Variants in KCNH4 observed in about 807,000 individuals in gnomAD.
The protein encoded by KCNH4 is potassium voltage-gated channel subfamily H member 4, also known as voltage-gated delayed rectifier potassium channel KCNH4.
A neutral mutation model predicts 90.7 loss-of-function variants in KCNH4; 33 were observed. The observed-to-expected ratio is 0.36, with a 90% confidence interval of 0.28 to 0.49. The LOEUF (loss-of-function observed/expected upper bound fraction) is 0.49, where lower values mean the gene tolerates loss of function less well. Ranked by LOEUF, KCNH4 falls within the 20% of genes least tolerant of loss-of-function variation. KCNH4 has a pLI of 0.98. For missense variants in KCNH4, 1,044 were observed against 1,387.1 expected, an observed-to-expected ratio of 0.75 and a Z score of 3.93; for synonymous variants, 551 against 581.7, an observed-to-expected ratio of 0.95 and a Z score of 0.76.
At position 42,175,696 on chromosome 17, in the gene KCNH4, G is replaced by A. The variant is rs752739529; in HGVS notation, c.870C>T (p.Ser290=). 4.6e-5 allele frequency: 75 copies of A among 1,614,138 alleles called. No homozygotes were observed. The highest frequency in any genetic ancestry group is 3.1e-4 in the East Asian group (14 of 44,880). ...LNFRTTYVSQ[S]GQVISAPRSI... ...AACGAGGAGCAGAGATTACCTGGCC[G>A]GACTGGGACACATAGGTGGTGCGGA... Residue 290 remains serine (S), a synonymous_variant, in exon 6 of 17, where the codon TCC becomes TCT. Coordinates refer to ENST00000264661, the MANE Select transcript of KCNH4 (RefSeq NM_012285.3).
In KCNH4 at chr17:42,163,351, G is replaced by T. The variant is rs369870132; in HGVS notation, c.2478-17C>A. On this transcript the variant is annotated splice_polypyrimidine_tract_variant and intron_variant, in intron 13 of 16. Transcript: ENST00000264661. The surrounding 1 kb of genome is among the most constrained non-coding windows in gnomAD (Gnocchi z 5.4). The stretch of plus-strand genomic sequence containing the variant: ...TCCACTATCCTGGGAACAGGGCAGT[G>T]CTCATCAGCACCATGGGGTGAGGGT... 2.2e-5 allele frequency: 34 copies of T among 1,578,334 alleles called. 1 individual carries two copies. Among genetic ancestry groups the T allele is most frequent in the Non-Finnish European group, 4.4e-6 (5 of 1,147,982 alleles).
At chr17:42,176,418 T>C (rs1224641005) in intron 4 of KCNH4, 121 bp from the exon 5 acceptor site, 3 of 892,782 alleles carry the variant, frequency 3.4e-6, no homozygotes, top group South Asian at 3.1e-5. Flanking sequence ...CTTTTGACCA[T>C]GAATGAAAGG....
chr17:42,166,166 C>T (rs1001104185), intron 10 of KCNH4, 131 bp downstream of exon 10: 2 of 1,160,364 alleles, frequency 1.7e-6, no homozygotes, highest in Non-Finnish European at 1.2e-6. Flanking sequence ...CGAGAGAGTA[C>T]TCCTCAGCAG....
intron 4 of KCNH4, 142 bp downstream of exon 4, chr17:42,177,955 AGAG>A: frequency 1.1e-6 from 1 of 913,838 alleles, no homozygotes; most frequent in African/African-American, 1.7e-5. Flanking sequence ...TATACCATAT[AGAG>A]TAGTATATGG....
At position 42,176,268 on chromosome 17, in the gene KCNH4, G is replaced by A. The variant is rs199997867; in HGVS notation, c.615C>T (p.Pro205=). Residue 205 remains proline, a synonymous_variant, in exon 5 of 17, where the codon CCC becomes CCT. Coordinates refer to ENST00000264661, the MANE Select transcript of KCNH4 (RefSeq NM_012285.3). ...NNVFEPKPSV[P]EYKVASVGGS... Reference sequence around the variant, plus strand: ...CCCCCACGGAGGCCACCTTGTACTCGGGCACTGATGGCTTTGGCTCAAACA... The same window carrying A: ...CCCCCACGGAGGCCACCTTGTACTCAGGCACTGATGGCTTTGGCTCAAACA... The A allele has an allele frequency of 1.1e-5, 18 of 1,613,616 alleles. No individual in the cohort carries two copies. The East Asian group carries it at 2.2e-4, about 20-fold the overall frequency.
chr17:42,180,917 G>A lies in KCNH4; in HGVS notation c.29C>T (p.Pro10Leu), dbSNP rs1412476615. MPVMKGLLA[P>L]QNTFLDTIAT... ...GATGGTGTCCAGGAAGGTGTTTTGC[G>A]GGGCCAGCAACCCCTTCATGACCGG... Residue 10 changes from proline (P) to leucine (L), a missense_variant, in exon 1 of 17, where the codon CCG becomes CTG. Physicochemically the swap from Pro to Leu is moderately conservative, Grantham distance 98. Around this residue, in one of 4 missense-constraint regions of KCNH4, gnomAD observed 283 missense variants for 378.6 expected, o/e 0.75. Coordinates refer to ENST00000264661, the MANE Select transcript of KCNH4 (RefSeq NM_012285.3). The surrounding 1 kb of genome is among the most constrained non-coding windows in gnomAD (Gnocchi z 4.7). The A allele has an allele frequency of 6.2e-7, 1 of 1,613,744 alleles. No individual in the cohort carries two copies. The highest frequency in any genetic ancestry group is 8.5e-7 in the Non-Finnish European group (1 of 1,179,902).
chr17:42,174,204 T>C (rs2079846945), intron 6 of KCNH4, among the ~76,000 whole-genome samples: 1 of 152,188 alleles, frequency 6.6e-6, no homozygotes, highest in Non-Finnish European at 1.5e-5. Flanking sequence ...TGCCTGCCCC[T>C]GCTAGGTATG....
chr17:42,175,842 A>G (rs2079856819), intron 5 of KCNH4, 106 bp from the exon 6 acceptor site: 1 of 1,414,568 alleles, frequency 7.1e-7, no homozygotes, highest in African/African-American at 1.4e-5. Context: ...AGGCATGGAG[A>G]GATAGATTGG....
In KCNH4 at chr17:42,159,773, A is replaced by C. The variant is rs552017234; in HGVS notation, c.*267T>G. Reference sequence around the variant, plus strand: ...GGAGAAAGTAGGATCTCATCTGCCCAGCCCAATGGGCACTGCGGTTCATCT... The same window carrying C: ...GGAGAAAGTAGGATCTCATCTGCCCCGCCCAATGGGCACTGCGGTTCATCT... On this transcript the variant is annotated 3_prime_UTR_variant, in exon 16 of 17. Coordinates refer to ENST00000264661, the MANE Select transcript of KCNH4 (RefSeq NM_012285.3). 3.0e-6 allele frequency: 1 copy of C among 335,132 alleles called. No homozygotes were observed. Among genetic ancestry groups the C allele is most frequent in the East Asian group, 4.6e-5 (1 of 21,608 alleles). The allele number at this position is 335,132 out of a possible 1,614,324, so 20.8% of individuals were successfully genotyped here. A position where few individuals can be genotyped will look rare whatever the true frequency, so the allele number is the denominator to read the frequency against.
chr17:42,174,056 C>A (rs2144137271), intron 6 of KCNH4, among the ~76,000 whole-genome samples: 1 of 152,248 alleles, frequency 6.6e-6, no homozygotes, highest in Admixed American at 6.5e-5. Flanking sequence ...CTCTGGGACT[C>A]AAGCAATTCT....
intron 4 of KCNH4, among the ~76,000 whole-genome samples, chr17:42,177,275 C>T (rs2079868632): frequency 6.6e-6 from 1 of 152,172 alleles, no homozygotes. Context: ...TCTTGAACTC[C>T]CGACCTCAGG....
intron 7 of KCNH4, among the ~76,000 whole-genome samples, chr17:42,170,816 A>T (rs2079821821): frequency 6.6e-6 from 1 of 152,240 alleles, no homozygotes; most frequent in Admixed American, 6.5e-5. Context: ...GAACCGAAGG[A>T]ACATTGTTCC....
rs768426723 is a variant in KCNH4 at position 42,166,400 on chromosome 17, C to A, written c.1737G>T (p.Pro579=). 1.9e-6 allele frequency: 3 copies of A among 1,613,852 alleles called. No individual in the cohort carries two copies. Among genetic ancestry groups the A allele is most frequent in the Non-Finnish European group, 2.5e-6 (3 of 1,179,940 alleles). ...CCCCACGGCGCAACAGGTACTCGCC[C>A]GGAGCGCAGAACGAGGTCTTGATGT... ...SLHIKTSFCA[P]GEYLLRRGDA... is the part of the protein sequence containing the mutation. The change falls in exon 10 of 17, where the codon CCG becomes CCT. Residue 579 remains proline (P), a synonymous_variant. Coordinates refer to ENST00000264661, the MANE Select transcript of KCNH4 (RefSeq NM_012285.3).
Position 42,180,960 on chromosome 17 carries a change from G to C in KCNH4, c.-15C>G, listed in dbSNP as rs1598280515. ...ATGACCGGCATGGCCCCGGGGCGTG[G>C]GTTCAAGGCGCGGCGCTGGGGAGCT... is the stretch of plus-strand genomic sequence containing the variant. On this transcript the variant is annotated 5_prime_UTR_variant, in exon 1 of 17. Coordinates refer to ENST00000264661, the MANE Select transcript of KCNH4 (RefSeq NM_012285.3). The surrounding 1 kb of genome is among the most constrained non-coding windows in gnomAD (Gnocchi z 4.7). 2 of 1,609,862 alleles carry C rather than the reference G, an allele frequency of 1.2e-6. No homozygotes were observed. Among genetic ancestry groups the C allele is most frequent in the Non-Finnish European group, 8.5e-7 (1 of 1,178,030 alleles).
intron 14 of KCNH4, among the ~76,000 whole-genome samples, 160 bp from the exon 15 acceptor site, chr17:42,162,481 G>A (rs905254676): frequency 2.0e-5 from 3 of 152,156 alleles, no homozygotes; most frequent in African/African-American, 7.2e-5. Context: ...CTGGTTCTGA[G>A]GCCCCTGTGT....
chr17:42,171,161 G>A (rs1006226899), intron 7 of KCNH4, among the ~76,000 whole-genome samples: 8 of 152,090 alleles, frequency 5.3e-5, no homozygotes, highest in Admixed American at 5.2e-4. Context: ...GGTGGTTGTG[G>A]GGGGGATGAG....
chr17:42,163,530 C>A lies in KCNH4; in HGVS notation c.2477+76G>T, dbSNP rs775881983. On this transcript the variant is annotated intron_variant, in intron 13 of 16. Coordinates refer to ENST00000264661, the MANE Select transcript of KCNH4 (RefSeq NM_012285.3). This position sits in a 1 kb window ranked among gnomAD's most constrained non-coding sequence, Gnocchi z 5.4. ...AGACGGAATGTAGCACTGTTTGGAA[C>A]GCCAGGGATAGAGCCCAGAGAAGGT... 2 of 795,140 alleles carry A rather than the reference C, an allele frequency of 2.5e-6. No homozygotes were observed. Among genetic ancestry groups the A allele is most frequent in the Non-Finnish European group, 2.0e-6 (1 of 493,720 alleles). The allele number at this position is 795,140 out of a possible 1,614,324, so 49.3% of individuals were successfully genotyped here.
chr17:42,171,503 T>C (rs953793608), intron 7 of KCNH4, among the ~76,000 whole-genome samples: 1 of 152,068 alleles, frequency 6.6e-6, no homozygotes, highest in Non-Finnish European at 1.5e-5. Context: ...TCCTTCTGCC[T>C]GAAACACACC....
At chr17:42,171,749 G>A in intron 7 of KCNH4, 39 bp downstream of exon 7, 3 of 1,594,658 alleles carry the variant, frequency 1.9e-6, no homozygotes, top group Non-Finnish European at 2.6e-6. Context: ...TGGGACAGGT[G>A]GACAGGTGGT....
Sources: gnomAD v4.1 joint callset for allele counts (sites outside exome capture counted in the v4.1 genomes callset) on GRCh38, gnomAD v4.1.1 for gene constraint, gnomAD v4.1.1 regional missense constraint, Gnocchi (gnomAD v3.1) non-coding constraint, MANE v1.5 for transcripts, NCBI Gene and HGNC (gene_info 2026-07-23, HGNC 2026-07-21) for gene names.